The following C1orf21 variants were observed in gnomAD, a reference collection of about 807,000 sequenced individuals.
C1orf21 encodes the protein uncharacterized protein C1orf21.
C1orf21 carries 3 observed loss-of-function variants against 18.7 expected under a neutral mutation model. The ratio of observed to expected loss-of-function variants is 0.16; its 90% CI spans 0.07 to 0.42. The LOEUF (loss-of-function observed/expected upper bound fraction) is 0.42, where lower values mean the gene tolerates loss of function less well. Among genes scored for constraint, C1orf21 ranks in the 10% least tolerant of loss-of-function variants. The pLI, the probability that C1orf21 is intolerant of heterozygous loss-of-function variation, is 0.99. For synonymous variants in C1orf21, 41 were observed against 46.4 expected, an observed-to-expected ratio of 0.88 and a Z score of 0.47; for missense variants, 104 against 143.6, an observed-to-expected ratio of 0.72 and a Z score of 1.41.
rs1242612487 is a variant in C1orf21, at chr1:184,410,641, ATATATATATATATATATATATATT to A, written c.-125+23275_-125+23298del. 6.8e-4 allele frequency among the ~76,000 whole-genome samples: 3 copies of A among 4,386 alleles called. 1 individual carries two copies. Among genetic ancestry groups the A allele is most frequent in the Non-Finnish European group, 9.9e-4 (3 of 3,028 alleles). 2.9% of individuals were successfully genotyped at this position (4,386 alleles called of 152,430 possible). On this transcript the variant is annotated intron_variant, in intron 1 of 5. Coordinates refer to ENST00000235307, the MANE Select transcript of C1orf21 (RefSeq NM_030806.4). ...ATTATATATATATATATATATATAT[ATATATATATATATATATATATATT>A]TTTTTTTTTTTTTTTTGAGATGGAG...
chr1:184,432,525 A>G (rs1227098200), intron 1 of C1orf21, among the ~76,000 whole-genome samples: 1 of 152,150 alleles, frequency 6.6e-6, no homozygotes, highest in African/African-American at 2.4e-5. Flanking sequence ...GTTGCAGGGT[A>G]GGGGCTAGGG....
chr1:184,566,973 A>G (rs1659043485), intron 3 of C1orf21: 2 of 527,896 alleles, frequency 3.8e-6, no homozygotes, highest in African/African-American at 1.9e-5. Flanking sequence ...TCTGTGAATC[A>G]GGGTCCAGAT....
rs114998100 is a variant in C1orf21, at chr1:184,456,794, T to A, written c.-124-20592T>A. On this transcript the variant is annotated intron_variant, in intron 1 of 5. Coordinates refer to ENST00000235307, the MANE Select transcript of C1orf21 (RefSeq NM_030806.4). ...ATGCTAGTTATATCAATTACCTTAT[T>A]ATATTGCAGTTTCTTACTTGCTCAT... Among the ~76,000 whole-genome samples the A allele has an allele frequency of 8.6e-3, 1,308 of 152,298 alleles. 19 individuals carry two copies. Among genetic ancestry groups the A allele is most frequent in the African/African-American group, 0.03 (1,248 of 41,566 alleles).
At chr1:184,428,260 T>C (rs1393212582) in intron 1 of C1orf21, among the ~76,000 whole-genome samples, 1 of 152,240 alleles carries the variant, frequency 6.6e-6, no homozygotes, top group Non-Finnish European at 1.5e-5. Flanking sequence ...CTGTCCCACA[T>C]GGTATATCAT....
intron 1 of C1orf21, among the ~76,000 whole-genome samples, chr1:184,415,802 A>G (rs542814330): frequency 6.6e-5 from 10 of 152,328 alleles, no homozygotes; most frequent in African/African-American, 2.4e-4. Context: ...TTTTGGATTC[A>G]TCCTTCTCCT....
At chr1:184,586,589 A>G (rs1659357569) in intron 3 of C1orf21, among the ~76,000 whole-genome samples, 2 of 151,908 alleles carry the variant, frequency 1.3e-5, no homozygotes, top group African/African-American at 4.8e-5. Context: ...GGCCTTGTCC[A>G]CTTTTTAATG....
At chr1:184,609,979 G>C (rs899328987) in intron 5 of C1orf21, among the ~76,000 whole-genome samples, 4 of 152,214 alleles carry the variant, frequency 2.6e-5, no homozygotes, top group African/African-American at 9.6e-5. Context: ...GCTCTGGAGA[G>C]ATGTCTCTCA....
intron 1 of C1orf21, among the ~76,000 whole-genome samples, chr1:184,409,395 G>A (rs1044433599): frequency 6.6e-6 from 1 of 152,140 alleles, no homozygotes; most frequent in Admixed American, 6.5e-5. Context: ...GTGGGCTGCG[G>A]GTAGGGGGAT....
intron 1 of C1orf21, among the ~76,000 whole-genome samples, chr1:184,418,768 T>G (rs1239238262): frequency 6.6e-6 from 1 of 152,202 alleles, no homozygotes; most frequent in East Asian, 1.9e-4. Context: ...TTGTTGAGGC[T>G]TAGTGAAGAG....
At position 184,622,776 on chromosome 1, in the gene C1orf21, C is replaced by G. The variant is rs911265442; in HGVS notation, c.*3220C>G. On this transcript the variant is annotated 3_prime_UTR_variant, in exon 6 of 6. Coordinates refer to ENST00000235307, the MANE Select transcript of C1orf21 (RefSeq NM_030806.4). ...ATGACTCAACTTAGCAAAGACGGAC[C>G]CAGGAGGAGTGCTGGTTCTTCAGTC... 1.3e-5 allele frequency: 2 copies of G among 152,346 alleles called. No homozygotes were observed. The highest frequency in any genetic ancestry group is 4.8e-5 in the African/African-American group (2 of 41,412). 9.4% of individuals were successfully genotyped at this position (152,346 alleles called of 1,614,324 possible).
At chr1:184,404,769 C>A (rs561812927) in intron 1 of C1orf21, among the ~76,000 whole-genome samples, 8 of 152,296 alleles carry the variant, frequency 5.3e-5, no homozygotes, top group African/African-American at 1.9e-4. Flanking sequence ...TGAATGTTAA[C>A]ATCAATTTTA....
chr1:184,529,288 T>C (rs1175612651), intron 3 of C1orf21, among the ~76,000 whole-genome samples: 2 of 152,226 alleles, frequency 1.3e-5, no homozygotes, highest in African/African-American at 2.4e-5. Context: ...CTGTGCTTCA[T>C]GTTTTGAATA....
intron 1 of C1orf21, among the ~76,000 whole-genome samples, chr1:184,462,655 A>G (rs959491111): frequency 1.3e-5 from 2 of 152,168 alleles, no homozygotes; most frequent in African/African-American, 2.4e-5. Flanking sequence ...TTGGGGGGGA[A>G]TACAGGGAAA....
intron 1 of C1orf21, among the ~76,000 whole-genome samples, chr1:184,434,030 A>T (rs1321628956): frequency 6.6e-6 from 1 of 152,042 alleles, no homozygotes; most frequent in Non-Finnish European, 1.5e-5. Context: ...GGCTCTTAAA[A>T]CCCCTGATTC....
chr1:184,520,078 A>G (rs1333361767), intron 3 of C1orf21, among the ~76,000 whole-genome samples: 1 of 152,214 alleles, frequency 6.6e-6, no homozygotes, highest in Admixed American at 6.5e-5. Flanking sequence ...TGCCTGCTTC[A>G]TGTTCATAAT....
chr1:184,416,469 G>A (rs552548787), intron 1 of C1orf21, among the ~76,000 whole-genome samples: 2 of 152,146 alleles, frequency 1.3e-5, no homozygotes, highest in African/African-American at 2.4e-5. Flanking sequence ...CTTCCAAGTA[G>A]CTTTGGTGAT....
chr1:184,558,078 G>A (rs1658903203), intron 3 of C1orf21, among the ~76,000 whole-genome samples: 1 of 152,142 alleles, frequency 6.6e-6, no homozygotes. Context: ...TTTTCAACAT[G>A]GTAAGAGCAA....
intron 2 of C1orf21, among the ~76,000 whole-genome samples, chr1:184,506,519 T>C (rs1357267538): frequency 6.6e-6 from 1 of 152,190 alleles, no homozygotes; most frequent in African/African-American, 2.4e-5. Context: ...ATAAACTCTC[T>C]TAGTGATAGA....
chr1:184,489,705 G>GT (rs1305046148), intron 2 of C1orf21, among the ~76,000 whole-genome samples: 2 of 152,202 alleles, frequency 1.3e-5, no homozygotes, highest in African/African-American at 4.8e-5. Flanking sequence ...CAAAAGGTTT[G>GT]TGACAGATTA....
Sources: allele counts gnomAD v4.1 joint callset (sites outside exome capture counted in the v4.1 genomes callset), GRCh38; gene constraint gnomAD v4.1.1; transcripts MANE v1.5; gene names NCBI Gene and HGNC (gene_info 2026-07-23, HGNC 2026-07-21).